Variants in NUP160 observed in about 807,000 individuals in gnomAD.
The protein encoded by NUP160 is nuclear pore complex protein Nup160.
A neutral mutation model predicts 196.9 loss-of-function variants in NUP160; 94 were observed. That is an observed-to-expected ratio of 0.48 (90% CI 0.40 to 0.57). NUP160 has a LOEUF of 0.57. NUP160 is among the 20% of genes least tolerant of loss of function. NUP160 has a pLI of 0.00. For missense variants in NUP160, 1,638 were observed against 1,748.3 expected, an observed-to-expected ratio of 0.94 and a Z score of 1.13; for synonymous variants, 605 against 619.7, an observed-to-expected ratio of 0.98 and a Z score of 0.35.
intron 33 of NUP160, 141 bp from the exon 34 acceptor site, chr11:47,783,339 CT>C: frequency 9.2e-7 from 1 of 1,086,136 alleles, no homozygotes; most frequent in Non-Finnish European, 1.3e-6. Flanking sequence ...TCATCTGTAT[CT>C]TAGGATAAGA....
intron 11 of NUP160, among the ~76,000 whole-genome samples, chr11:47,817,625 G>A (rs1324092365): frequency 5.3e-5 from 8 of 152,172 alleles, no homozygotes; most frequent in Non-Finnish European, 1.0e-4. Flanking sequence ...GATTACAGGC[G>A]TGAGCCACCA....
chr11:47,807,192 T>C (rs1565195603), intron 18 of NUP160, 52 bp from the exon 19 acceptor site: 1 of 1,107,104 alleles, frequency 9.0e-7, no homozygotes, highest in East Asian at 2.4e-5. Flanking sequence ...TGCTAAACAT[T>C]ACTTCTACAA....
chr11:47,806,790 T>TACACACAC (rs57141346), intron 19 of NUP160, among the ~76,000 whole-genome samples: 49 of 111,894 alleles, frequency 4.4e-4, no homozygotes, highest in African/African-American at 1.5e-3. Flanking sequence ...AAAGCAGCTA[T>TACACACAC]ACACACACAC....
chr11:47,847,648 T>TGGGGGGGGGGGGGGGGGGGGG (rs56283744), intron 2 of NUP160, among the ~76,000 whole-genome samples, 200 bp downstream of exon 2: 2 of 77,462 alleles, frequency 2.6e-5, no homozygotes, highest in Non-Finnish European at 4.5e-5. Flanking sequence ...TGTGTGGGGG[T>TGGGGGGGGGGGGGGGGGGGGG]GGGGGGGGGG....
In NUP160 at chr11:47,783,201, G is replaced by A; in HGVS notation, c.3991-3C>T. 1 of 1,612,678 alleles carries A rather than the reference G, an allele frequency of 6.2e-7. No homozygotes were observed. Among genetic ancestry groups the A allele is most frequent in the Non-Finnish European group, 8.5e-7 (1 of 1,179,478 alleles). ...AGCAATTCAGCAGCATCAACCTTCT[G>A]TGAAAAGTCAGTGATTAAGAATATG... On this transcript the variant is annotated splice_region_variant and splice_polypyrimidine_tract_variant and intron_variant, in intron 33 of 35. Transcript: ENST00000378460.
chr11:47,780,918 T>C (rs564761588), intron 34 of NUP160, among the ~76,000 whole-genome samples: 1 of 152,224 alleles, frequency 6.6e-6, no homozygotes, highest in African/African-American at 2.4e-5. Context: ...ACTGGGAAAC[T>C]TGTCATTTTT....
At chr11:47,846,551 T>C (rs1339069219) in intron 2 of NUP160, among the ~76,000 whole-genome samples, 2 of 152,200 alleles carry the variant, frequency 1.3e-5, no homozygotes, top group African/African-American at 4.8e-5. Context: ...CCTTACCCCA[T>C]ATTCAATCCA....
Position 47,835,642 on chromosome 11 carries a change from G to C in NUP160, c.1101+9C>G, listed in dbSNP as rs762276281. Reference sequence around the variant, plus strand: ...GAATAACTTGGTATGTGTCTTATTTGTTTCATACCTGTCCTCGTTTTGGTG... The same window carrying C: ...GAATAACTTGGTATGTGTCTTATTTCTTTCATACCTGTCCTCGTTTTGGTG... On this transcript the variant is annotated intron_variant, in intron 7 of 35. Transcript: ENST00000378460. The C allele has an allele frequency of 6.4e-7, 1 of 1,562,332 alleles. No homozygotes were observed. Among genetic ancestry groups the C allele is most frequent in the South Asian group, 1.2e-5 (1 of 80,266 alleles).
chr11:47,806,184 T>C, exon 20 of NUP160: 1 of 1,614,096 alleles, frequency 6.2e-7, no homozygotes, highest in East Asian at 2.2e-5. Flanking sequence ...GTAATTGCAG[T>C]AATCATTTCA....
At chr11:47,827,737 T>A (rs1851999905) in intron 7 of NUP160, among the ~76,000 whole-genome samples, 1 of 150,480 alleles carries the variant, frequency 6.6e-6, no homozygotes, top group Non-Finnish European at 1.5e-5. Flanking sequence ...TTCTTGCCAC[T>A]TCTATTCAAC....
chr11:47,782,288 T>A (rs1483650969), intron 34 of NUP160, among the ~76,000 whole-genome samples: 2 of 39,988 alleles, frequency 5.0e-5, no homozygotes, highest in Non-Finnish European at 8.1e-5. Context: ...CAAAACTCAG[T>A]TAAAAAAAAA....
At chr11:47,822,221 G>A (rs1023223017) in intron 7 of NUP160, 57 bp from the exon 8 acceptor site, 9 of 1,231,782 alleles carry the variant, frequency 7.3e-6, no homozygotes, top group African/African-American at 6.0e-5. Flanking sequence ...GTTACTTTTC[G>A]AAGCAAGGGC....
chr11:47,824,937 G>A (rs1030238094), intron 7 of NUP160, among the ~76,000 whole-genome samples: 10 of 151,896 alleles, frequency 6.6e-5, no homozygotes, highest in African/African-American at 2.4e-4. Context: ...CTGGGTTCAC[G>A]CCATTCTCCT....
chr11:47,833,536 T>C (rs1213058565), intron 7 of NUP160, among the ~76,000 whole-genome samples: 1 of 152,120 alleles, frequency 6.6e-6, no homozygotes, highest in Non-Finnish European at 1.5e-5. Flanking sequence ...CAATGATACA[T>C]TTCAAGTTTT....
At chr11:47,840,416 T>G (rs1224868075) in exon 3 of NUP160, 1 of 1,614,162 alleles carries the variant, frequency 6.2e-7, no homozygotes, top group Middle Eastern at 1.7e-4. Context: ...AAAAGTAACC[T>G]GTGCACTGTT....
At chr11:47,818,006 TAATAA>T (rs760758246) in intron 11 of NUP160, 45 bp downstream of exon 11, 82 of 1,112,596 alleles carry the variant, frequency 7.4e-5, no homozygotes, top group Non-Finnish European at 1.1e-4. Context: ...TTATATACAG[TAATAA>T]AATAAGAAAT....
intron 31 of NUP160, 26 bp downstream of exon 31, chr11:47,788,156 C>T (rs1172153029): frequency 1.3e-6 from 2 of 1,585,094 alleles, no homozygotes; most frequent in Admixed American, 1.8e-5. Context: ...TTAGAAAAGA[C>T]TATAAAAAAA....
exon 32 of NUP160, chr11:47,786,456 G>A (rs2097664571): frequency 6.2e-7 from 1 of 1,607,836 alleles, no homozygotes; most frequent in Non-Finnish European, 8.5e-7. Context: ...GTTGTACCTA[G>A]ACTCCTTAGT....
intron 30 of NUP160, 32 bp from the exon 31 acceptor site, chr11:47,788,337 G>A (rs769103809): frequency 3.7e-6 from 6 of 1,612,818 alleles, no homozygotes; most frequent in South Asian, 1.1e-5. Flanking sequence ...ATTTCGTGTA[G>A]CCAAGGTATA....
Sources: gnomAD v4.1 joint callset for allele counts (sites outside exome capture counted in the v4.1 genomes callset) on GRCh38, gnomAD v4.1.1 for gene constraint, MANE v1.5 for transcripts, NCBI Gene and HGNC (gene_info 2026-07-23, HGNC 2026-07-21) for gene names.